AGO3: variants seen among roughly 807,000 people sequenced by gnomAD.
AGO3 encodes protein argonaute-3.
Under a neutral mutation model 105.5 loss-of-function variants are expected in AGO3, and 16 were observed. That is an observed-to-expected ratio of 0.15 (90% CI 0.10 to 0.23). The LOEUF (loss-of-function observed/expected upper bound fraction) is 0.23. Ranked by LOEUF, AGO3 falls within the 10% of genes least tolerant of loss-of-function variation. The pLI, the probability that AGO3 is intolerant of heterozygous loss-of-function variation, is 1.00. For synonymous variants in AGO3, 340 were observed against 367.3 expected (o/e 0.93, Z 0.85); for missense variants, 534 against 1,088.0 (o/e 0.49, Z 7.16).
intron 1 of AGO3, among the ~76,000 whole-genome samples, chr1:35,940,754 T>A (rs561066406): frequency 2.0e-5 from 3 of 152,196 alleles, no homozygotes; most frequent in Non-Finnish European, 2.9e-5. Context: ...TCTAATGACA[T>A]TTTCTTCTTG....
In AGO3 at chr1:35,996,818, G is replaced by A. The variant is rs558966107; in HGVS notation, c.659-7523G>A. 1.5e-4 allele frequency among the ~76,000 whole-genome samples: 23 copies of A among 150,968 alleles called. No individual in the cohort carries two copies. The South Asian group carries it at 4.8e-3, about 32-fold the overall frequency. On this transcript the variant is annotated intron_variant, in intron 5 of 18. Transcript: ENST00000373191. ...TGAATGGCCAGTGAGCCCTTGAGAA[G>A]ATGCAGAACATCGTTGGCCGTTCAG...
chr1:36,030,276 C>A (rs568991080), intron 12 of AGO3, among the ~76,000 whole-genome samples: 4 of 152,096 alleles, frequency 2.6e-5, no homozygotes, highest in South Asian at 4.2e-4. Flanking sequence ...CCAAGGTGGG[C>A]AGATTGCTTG....
chr1:35,993,133 A>G (rs1647842300), intron 5 of AGO3, among the ~76,000 whole-genome samples: 1 of 152,172 alleles, frequency 6.6e-6, no homozygotes, highest in Non-Finnish European at 1.5e-5. Context: ...AATGTTCAGT[A>G]TGGGAAGGGA....
intron 5 of AGO3, chr1:35,982,743 G>C (rs1647076055): frequency 1.5e-6 from 1 of 672,778 alleles, no homozygotes; most frequent in Non-Finnish European, 2.7e-6. Context: ...AATGTGGGAT[G>C]GAGAGGAAGG....
chr1:35,997,136 G>A (rs918346047), intron 5 of AGO3, among the ~76,000 whole-genome samples: 3 of 151,932 alleles, frequency 2.0e-5, no homozygotes, highest in African/African-American at 7.3e-5. Context: ...AAAATTAGAC[G>A]GGTGTGGTGA....
intron 2 of AGO3, among the ~76,000 whole-genome samples, chr1:35,948,216 ATTTT>A (rs926949293): frequency 3.0e-5 from 4 of 135,308 alleles, no homozygotes; most frequent in Non-Finnish European, 4.8e-5. Context: ...AAGGAACAGA[ATTTT>A]TTTTTTTTTT....
chr1:35,963,668 G>A (rs1196406563), intron 2 of AGO3, among the ~76,000 whole-genome samples: 14 of 151,372 alleles, frequency 9.2e-5, no homozygotes, highest in Admixed American at 9.2e-4. Flanking sequence ...AAATTGGGTT[G>A]GAGTAAAAAA....
intron 12 of AGO3, among the ~76,000 whole-genome samples, chr1:36,030,714 C>T (rs1641735058): frequency 6.6e-6 from 1 of 152,150 alleles, no homozygotes; most frequent in African/African-American, 2.4e-5. Context: ...CTCCTGGCCT[C>T]AAGTCATCCT....
In AGO3 at chr1:36,069,550, T is replaced by G. The variant is rs1350958362; in HGVS notation, c.*13805T>G. On this transcript the variant is annotated 3_prime_UTR_variant, in exon 19 of 19. Transcript: ENST00000373191. ...CTTTGTTGTAGATCATTTTATGAAA[T>G]AGGAATAAGAGAAACATAGGCCTTA... is the stretch of plus-strand genomic sequence containing the variant. The G allele has an allele frequency of 1.3e-5, 2 of 152,204 alleles. No individual in the cohort carries two copies. Among genetic ancestry groups the G allele is most frequent in the Non-Finnish European group, 2.9e-5 (2 of 68,036 alleles). The allele number at this position is 152,204 out of a possible 1,614,324, so 9.4% of individuals were successfully genotyped here.
chr1:35,984,081 A>G (rs1647113573), intron 5 of AGO3, among the ~76,000 whole-genome samples: 1 of 152,224 alleles, frequency 6.6e-6, no homozygotes, highest in Admixed American at 6.5e-5. Flanking sequence ...ACTAGCATTT[A>G]AGAAAAAAAG....
chr1:35,964,776 T>A (rs1011276043), intron 2 of AGO3, among the ~76,000 whole-genome samples: 2 of 152,190 alleles, frequency 1.3e-5, no homozygotes, highest in Non-Finnish European at 2.9e-5. Flanking sequence ...CTCCACAACC[T>A]TGCCAACGTC....
intron 2 of AGO3, among the ~76,000 whole-genome samples, chr1:35,951,214 G>A (rs1646465165): frequency 6.6e-6 from 1 of 152,194 alleles, no homozygotes; most frequent in Non-Finnish European, 1.5e-5. Flanking sequence ...GCTTCCCGAA[G>A]TGCTGGGATC....
In AGO3 at chr1:36,068,279, T is replaced by C. The variant is rs1643120123; in HGVS notation, c.*12534T>C. The C allele has an allele frequency of 6.6e-6, 1 of 152,238 alleles. No homozygotes were observed. Among genetic ancestry groups the C allele is most frequent in the Non-Finnish European group, 1.5e-5 (1 of 68,046 alleles). The allele number at this position is 152,238 out of a possible 1,614,324, so 9.4% of individuals were successfully genotyped here. A position where few individuals can be genotyped will look rare whatever the true frequency, so the allele number is the denominator to read the frequency against. ...AAGTATTAATGTTGCAAGTATTATC[T>C]CTAGCCATGGAATTTTTTGCTGGCT... On this transcript the variant is annotated 3_prime_UTR_variant, in exon 19 of 19. Coordinates refer to ENST00000373191, the MANE Select transcript of AGO3 (RefSeq NM_024852.4).
Position 36,062,186 on chromosome 1 carries a change from A to G in AGO3, c.*6441A>G, listed in dbSNP as rs1328282185. The G allele has an allele frequency of 6.8e-6, 1 of 146,168 alleles. No individual in the cohort carries two copies. Among genetic ancestry groups the G allele is most frequent in the African/African-American group, 2.5e-5 (1 of 39,304 alleles). 9.1% of individuals were successfully genotyped at this position (146,168 alleles called of 1,614,324 possible). ...TTTTTTTTTTTTTTTTTTTTGAGAC[A>G]AAGTCTTGCTCTGTCACCTAGGCTG... On this transcript the variant is annotated 3_prime_UTR_variant, in exon 19 of 19. Coordinates refer to ENST00000373191, the MANE Select transcript of AGO3 (RefSeq NM_024852.4).
At chr1:35,940,950 GT>G (rs1443639317) in intron 1 of AGO3, among the ~76,000 whole-genome samples, 1 of 152,002 alleles carries the variant, frequency 6.6e-6, no homozygotes, top group African/African-American at 2.4e-5. Flanking sequence ...TAATCCAGTG[GT>G]TTTAAATAAC....
chr1:35,968,167 G>A (rs1016254322), intron 3 of AGO3, among the ~76,000 whole-genome samples: 5 of 152,092 alleles, frequency 3.3e-5, no homozygotes, highest in African/African-American at 1.2e-4. Flanking sequence ...TGTTAACTTT[G>A]GTCAGTTGAT....
At chr1:36,034,085 A>G in intron 12 of AGO3, 89 bp from the exon 13 acceptor site, 1 of 1,285,100 alleles carries the variant, frequency 7.8e-7, no homozygotes, top group African/African-American at 1.5e-5. Context: ...GATGGATTTT[A>G]AGGGGGAAAC....
chr1:36,043,998 G>A (rs1418859788), intron 17 of AGO3, among the ~76,000 whole-genome samples: 2 of 152,082 alleles, frequency 1.3e-5, no homozygotes, highest in East Asian at 1.9e-4. Flanking sequence ...AGCTAATGAC[G>A]ATAACATTTT....
At chr1:36,034,889 A>T (rs1641937692) in intron 13 of AGO3, among the ~76,000 whole-genome samples, 1 of 152,212 alleles carries the variant, frequency 6.6e-6, no homozygotes, top group Admixed American at 6.5e-5. Context: ...TTACTGTTAG[A>T]TCACCCTTCT....
Sources: gnomAD v4.1 joint callset for allele counts (sites outside exome capture counted in the v4.1 genomes callset) on GRCh38, gnomAD v4.1.1 for gene constraint, MANE v1.5 for transcripts, NCBI Gene and HGNC (gene_info 2026-07-23, HGNC 2026-07-21) for gene names.